Variants in SLC35D4 observed in about 807,000 individuals in gnomAD.
The protein encoded by SLC35D4 is UDP-N-acetylglucosamine transporter SLC35D4.
the SLC35D4 span, among the ~76,000 whole-genome samples, chr18:23,382,817 C>T: frequency 6.6e-6 from 1 of 152,222 alleles, no homozygotes; most frequent in Non-Finnish European, 1.5e-5. Context: ...TAGAAAATGA[C>T]AACTGTCTAA....
At chr18:23,437,872 T>C in the SLC35D4 span, 1,507,332 of 1,607,500 alleles carry the variant, frequency 0.94, 707,617 homozygotes, top group Admixed American at 0.96. Context: ...CGTCCCCTTC[T>C]CGGGGATCCA....
the SLC35D4 span, among the ~76,000 whole-genome samples, chr18:23,239,625 T>TG: frequency 6.6e-6 from 1 of 152,182 alleles, no homozygotes; most frequent in Admixed American, 6.5e-5. Flanking sequence ...TTTTGTGTGT[T>TG]GGGGAACAGG....
chr18:23,320,871 G>A, the SLC35D4 span, among the ~76,000 whole-genome samples: 1 of 152,152 alleles, frequency 6.6e-6, no homozygotes, highest in Non-Finnish European at 1.5e-5. Context: ...GTCTTTAGGG[G>A]AAGACTTGTG....
the SLC35D4 span, among the ~76,000 whole-genome samples, chr18:23,253,243 G>A: frequency 6.6e-6 from 1 of 152,218 alleles, no homozygotes; most frequent in Non-Finnish European, 1.5e-5. Flanking sequence ...AGCACTTTGG[G>A]AGGCCGAAGT....
the SLC35D4 span, among the ~76,000 whole-genome samples, chr18:23,266,981 C>A: frequency 2.0e-5 from 3 of 151,840 alleles, no homozygotes; most frequent in African/African-American, 4.8e-5. Flanking sequence ...TAGCCTAGGC[C>A]CCCCACTCCA....
chr18:23,328,504 A>G, the SLC35D4 span, among the ~76,000 whole-genome samples: 4 of 152,316 alleles, frequency 2.6e-5, no homozygotes, highest in South Asian at 8.3e-4. Flanking sequence ...CAAGGGATGT[A>G]AAGGACCTCC....
chr18:23,238,890 G>A, the SLC35D4 span, among the ~76,000 whole-genome samples: 12 of 152,114 alleles, frequency 7.9e-5, no homozygotes, highest in African/African-American at 1.7e-4. Flanking sequence ...TGCCGACCTC[G>A]GGGTTGGACA....
the SLC35D4 span, among the ~76,000 whole-genome samples, chr18:23,316,654 A>C: frequency 3.6e-5 from 5 of 139,280 alleles, no homozygotes; most frequent in East Asian, 1.0e-3. Flanking sequence ...GAGAACACAG[A>C]TGAGGAACAA....
chr18:23,384,009 G>GGC, the SLC35D4 span, among the ~76,000 whole-genome samples: 5 of 136,662 alleles, frequency 3.7e-5, 1 homozygote, highest in Non-Finnish European at 8.0e-5. Flanking sequence ...ATTGGGGGGG[G>GGC]GGGGTGTGAT....
chr18:23,294,285 A>G, the SLC35D4 span, among the ~76,000 whole-genome samples: 1 of 152,178 alleles, frequency 6.6e-6, no homozygotes, highest in Non-Finnish European at 1.5e-5. Context: ...GGGTAAATAA[A>G]GGGAGAGTGT....
chr18:23,363,499 C>G, the SLC35D4 span, among the ~76,000 whole-genome samples: 2 of 150,558 alleles, frequency 1.3e-5, no homozygotes, highest in Middle Eastern at 3.2e-3. Flanking sequence ...GTCAGCCTCC[C>G]GAGTAGCTGG....
chr18:23,384,068 C>T, the SLC35D4 span, among the ~76,000 whole-genome samples: 1 of 148,854 alleles, frequency 6.7e-6, no homozygotes, highest in Non-Finnish European at 1.5e-5. Flanking sequence ...GCAGGAGGAT[C>T]CTTTAAGCCT....
chr18:23,310,741 AC>A, the SLC35D4 span, among the ~76,000 whole-genome samples: 3 of 151,920 alleles, frequency 2.0e-5, no homozygotes, highest in Non-Finnish European at 4.4e-5. Context: ...ATGTTTATGA[AC>A]CTCATCGTCA....
chr18:23,278,706 T>C, the SLC35D4 span, among the ~76,000 whole-genome samples: 1 of 152,128 alleles, frequency 6.6e-6, no homozygotes, highest in Non-Finnish European at 1.5e-5. Context: ...ACTCCCATTT[T>C]TATCATTAAG....
chr18:23,254,295 A>G, the SLC35D4 span, among the ~76,000 whole-genome samples: 1 of 152,222 alleles, frequency 6.6e-6, no homozygotes, highest in Non-Finnish European at 1.5e-5. Flanking sequence ...TGCTTCAGTA[A>G]GACCTTGGCT....
chr18:23,243,800 A>G, the SLC35D4 span, among the ~76,000 whole-genome samples: 2 of 145,834 alleles, frequency 1.4e-5, no homozygotes, highest in Non-Finnish European at 3.0e-5. Flanking sequence ...TGAACCCGGG[A>G]GGCAGAGGTT....
the SLC35D4 span, among the ~76,000 whole-genome samples, chr18:23,289,763 C>T: frequency 2.6e-5 from 4 of 152,264 alleles, no homozygotes; most frequent in East Asian, 5.8e-4. Context: ...GTGAAAATGG[C>T]CTGTTCCTGC....
chr18:23,294,363 T>C, the SLC35D4 span, among the ~76,000 whole-genome samples: 1 of 152,152 alleles, frequency 6.6e-6, no homozygotes, highest in African/African-American at 2.4e-5. Context: ...GCCACTCCAC[T>C]GTTCAGGTCT....
At chr18:23,324,691 C>T in the SLC35D4 span, among the ~76,000 whole-genome samples, 1 of 152,132 alleles carries the variant, frequency 6.6e-6, no homozygotes, top group Non-Finnish European at 1.5e-5. Flanking sequence ...CCACTTAGGG[C>T]TGAGTCCTGT....
Sources: allele counts gnomAD v4.1 joint callset (sites outside exome capture counted in the v4.1 genomes callset), GRCh38; gene constraint gnomAD v4.1.1; transcripts MANE v1.5; gene names NCBI Gene and HGNC (gene_info 2026-07-23, HGNC 2026-07-21).